Variants in TBK1 observed in about 807,000 individuals in gnomAD.
The protein encoded by TBK1 is TANK binding kinase 1, also known as serine/threonine-protein kinase TBK1.
TBK1 carries 37 observed loss-of-function variants against 99.9 expected under a neutral mutation model. That is an observed-to-expected ratio of 0.37 (90% CI 0.28 to 0.49). The LOEUF (loss-of-function observed/expected upper bound fraction) is 0.49. TBK1 is among the 20% of genes least tolerant of loss of function. TBK1 has a pLI of 0.98. For missense variants in TBK1, 644 were observed against 872.5 expected (o/e 0.74, Z 3.30); for synonymous variants, 258 against 279.8 (o/e 0.92, Z 0.78).
chr12:64,467,634 T>C (rs1222851751), intron 5 of TBK1, among the ~76,000 whole-genome samples: 3 of 152,188 alleles, frequency 2.0e-5, no homozygotes, highest in Admixed American at 6.5e-5. Context: ...GTAAATACTT[T>C]TAACATGTAA....
chr12:64,462,145 G>GT (rs1175991832), intron 3 of TBK1, among the ~76,000 whole-genome samples: 2 of 152,244 alleles, frequency 1.3e-5, no homozygotes, highest in Admixed American at 6.5e-5. Context: ...AAATCATGCT[G>GT]TGAGACTCTC....
intron 1 of TBK1, among the ~76,000 whole-genome samples, chr12:64,455,446 C>T (rs1314604879): frequency 6.6e-6 from 1 of 152,078 alleles, no homozygotes; most frequent in African/African-American, 2.4e-5. Context: ...CCATTTATAC[C>T]ATTATGTCAA....
Position 64,460,319 on chromosome 12 carries a change from T to A in TBK1, c.218T>A (p.Ile73Asn). The change falls in exon 3 of 21, where the codon ATT becomes AAT. Residue 73 changes from isoleucine to asparagine, a missense_variant. Transcript: ENST00000331710. ...NHKNIVKLFA[I>N]EEETTTRHKV... ...AAAAATATTGTCAAATTATTTGCTA[T>A]TGAAGAGGAGGTAAGTAGTAAAACT... The A allele has an allele frequency of 6.4e-7, 1 of 1,563,124 alleles. No homozygotes were observed. Among genetic ancestry groups the A allele is most frequent in the Non-Finnish European group, 8.7e-7 (1 of 1,152,256 alleles).
chr12:64,481,819 G>A, intron 7 of TBK1, 23 bp from the exon 8 acceptor site: 1 of 1,504,018 alleles, frequency 6.6e-7, no homozygotes, highest in Non-Finnish European at 8.9e-7. Context: ...CACTCTTCAA[G>A]TAACTTTTCA....
intron 4 of TBK1, among the ~76,000 whole-genome samples, 195 bp downstream of exon 4, chr12:64,464,658 G>A (rs1478459443): frequency 5.3e-5 from 8 of 152,014 alleles, no homozygotes; most frequent in Non-Finnish European, 1.2e-4. Context: ...AGGACATCAG[G>A]TAAGTGAAAA....
chr12:64,463,242 C>G (rs572545976), intron 3 of TBK1, among the ~76,000 whole-genome samples: 35 of 152,030 alleles, frequency 2.3e-4, no homozygotes, highest in Admixed American at 1.6e-3. Flanking sequence ...TGTGGTGGCA[C>G]TCGTCTGTAG....
intron 5 of TBK1, among the ~76,000 whole-genome samples, chr12:64,471,609 T>C (rs1448182430): frequency 6.6e-6 from 1 of 152,130 alleles, no homozygotes; most frequent in East Asian, 1.9e-4. Context: ...CACCTTGGCC[T>C]CCCAAAGTGC....
intron 2 of TBK1, among the ~76,000 whole-genome samples, chr12:64,456,829 A>C (rs184710549): frequency 6.6e-6 from 1 of 151,028 alleles, no homozygotes; most frequent in Non-Finnish European, 1.5e-5. Flanking sequence ...GTGACAGAGC[A>C]AGACTCAATT....
intron 5 of TBK1, among the ~76,000 whole-genome samples, chr12:64,468,928 C>T (rs560649207): frequency 1.4e-4 from 21 of 152,158 alleles, no homozygotes; most frequent in African/African-American, 5.1e-4. Flanking sequence ...TACTCCTCGG[C>T]AGTTCCCTCC....
At chr12:64,464,293 A>C in intron 3 of TBK1, 41 bp from the exon 4 acceptor site, 1 of 1,512,924 alleles carries the variant, frequency 6.6e-7, no homozygotes, top group Non-Finnish European at 8.9e-7. Context: ...ATCAAAATTT[A>C]TTTTTTATGT....
At position 64,496,367 on chromosome 12, in the gene TBK1, G is replaced by A; in HGVS notation, c.1721G>A (p.Arg574Lys). 8.4e-7 allele frequency: 1 copy of A among 1,184,866 alleles called. No homozygotes were observed. The highest frequency in any genetic ancestry group is 2.0e-4 in the Middle Eastern group (1 of 4,990). 73.4% of individuals were successfully genotyped at this position (1,184,866 alleles called of 1,614,324 possible). The change falls in exon 16 of 21, where the codon AGA (arginine) becomes AAA (lysine). Residue 574 changes from arginine (R) to lysine (K), a missense_variant and splice_region_variant. Physicochemically the swap from Arg to Lys is conservative, Grantham distance 26. Around this residue, in one of 3 missense-constraint regions of TBK1, gnomAD observed 465 missense variants for 588.0 expected, o/e 0.79. Transcript: ENST00000331710. ...CAGTAATATATTTTCCTATTTCTAG[G>A]ATTAGCTTATAATGAAGAACAAATC... ...YQFKKDKAER[R>K]LAYNEEQIHK...
chr12:64,464,393 T>C lies in TBK1; in HGVS notation c.288T>C (p.Thr96=), dbSNP rs1419262389. Residue 96 remains threonine, a synonymous_variant, in exon 4 of 21, where the codon ACT becomes ACC. Transcript: ENST00000331710. The part of the protein sequence containing the change: ...MEFCPCGSLY[T]VLEEPSNAYG... ...TTTGTCCATGTGGGAGTTTATACAC[T>C]GTTTTAGAAGAACCTTCTAATGCCT... The C allele has an allele frequency of 6.2e-7, 1 of 1,608,884 alleles. No individual in the cohort carries two copies. The highest frequency in any genetic ancestry group is 1.3e-5 in the African/African-American group (1 of 74,870).
At position 64,501,549 on chromosome 12, in the gene TBK1, G is replaced by T. The variant is rs903551602; in HGVS notation, c.*168G>T. 1.5e-6 allele frequency: 1 copy of T among 645,688 alleles called. No homozygotes were observed. 40.0% of individuals were successfully genotyped at this position (645,688 alleles called of 1,614,324 possible). On this transcript the variant is annotated 3_prime_UTR_variant, in exon 21 of 21. Coordinates refer to ENST00000331710, the MANE Select transcript of TBK1 (RefSeq NM_013254.4). ...TACATAAAAAATATACAAATTTTTGGCTGCTGTGAAGATGTAATTTTATCT... is the reference window on the plus strand; with the variant it reads ...TACATAAAAAATATACAAATTTTTGTCTGCTGTGAAGATGTAATTTTATCT...
At chr12:64,455,343 A>G (rs1187675786) in intron 1 of TBK1, among the ~76,000 whole-genome samples, 1 of 152,112 alleles carries the variant, frequency 6.6e-6, no homozygotes, top group Admixed American at 6.6e-5. Flanking sequence ...TATAGTGTAT[A>G]CTAACTTACA....
intron 20 of TBK1, among the ~76,000 whole-genome samples, chr12:64,500,588 T>C (rs572036096): frequency 6.6e-6 from 1 of 152,182 alleles, no homozygotes; most frequent in African/African-American, 2.4e-5. Context: ...TCCTGTTACC[T>C]AAAAAGTCAA....
At chr12:64,495,926 TAAA>T (rs369559731) in intron 15 of TBK1, 151 bp downstream of exon 15, 599 of 385,060 alleles carry the variant, frequency 1.6e-3, no homozygotes, top group Middle Eastern at 3.7e-3. Context: ...TTGATTGTGT[TAAA>T]AAAAAAAAAA....
intron 7 of TBK1, among the ~76,000 whole-genome samples, chr12:64,481,537 G>C (rs920519609): frequency 6.6e-6 from 1 of 152,064 alleles, no homozygotes; most frequent in East Asian, 1.9e-4. Flanking sequence ...CAGGATACTT[G>C]AGCCCCAGAG....
At chr12:64,453,741 G>C (rs576221047) in intron 1 of TBK1, among the ~76,000 whole-genome samples, 99 of 152,202 alleles carry the variant, frequency 6.5e-4, no homozygotes, top group African/African-American at 2.3e-3. Context: ...GGGCATGGTG[G>C]GACTAGTGTT....
chr12:64,460,197 T>G lies in TBK1; in HGVS notation c.96T>G (p.Gly32=). 1 of 1,493,178 alleles carries G rather than the reference T, an allele frequency of 6.7e-7. No homozygotes were observed. The highest frequency in any genetic ancestry group is 1.3e-5 in the South Asian group (1 of 75,134). 92.5% of individuals were successfully genotyped at this position (1,493,178 alleles called of 1,614,324 possible). A position where few individuals can be genotyped will look rare whatever the true frequency, so the allele number is the denominator to read the frequency against. The change falls in exon 3 of 21, where the codon GGT becomes GGG. Residue 32 remains glycine (G), a synonymous_variant. Transcript: ENST00000331710. The stretch of plus-strand genomic sequence containing the variant: ...CTCTCTCTTTTTTAAAGAAAACTGG[T>G]GATTTATTTGCTATCAAAGTATTTA... ...NVFRGRHKKT[G]DLFAIKVFNN...
Sources: gnomAD v4.1 joint callset for allele counts (sites outside exome capture counted in the v4.1 genomes callset) on GRCh38, gnomAD v4.1.1 for gene constraint, gnomAD v4.1.1 regional missense constraint, MANE v1.5 for transcripts, NCBI Gene and HGNC (gene_info 2026-07-23, HGNC 2026-07-21) for gene names.